CLASP2: variants seen among roughly 807,000 people sequenced by gnomAD.
CLASP2 encodes the protein cytoplasmic linker associated protein 2.
A neutral mutation model predicts 194.4 loss-of-function variants in CLASP2; 47 were observed. That is an observed-to-expected ratio of 0.24 (90% CI 0.19 to 0.31). The LOEUF (loss-of-function observed/expected upper bound fraction) is 0.31, where lower values mean the gene tolerates loss of function less well. Among genes scored for constraint, CLASP2 ranks in the 10% least tolerant of loss-of-function variants. The pLI, the probability that CLASP2 is intolerant of heterozygous loss-of-function variation, is 1.00. For missense variants in CLASP2, 1,445 were observed against 1,823.6 expected (o/e 0.79, Z 3.78); for synonymous variants, 619 against 633.5 (o/e 0.98, Z 0.34).
chr3:33,547,746 G>A (rs1026406599), intron 30 of CLASP2, among the ~76,000 whole-genome samples: 1 of 151,740 alleles, frequency 6.6e-6, no homozygotes, highest in Non-Finnish European at 1.5e-5. Flanking sequence ...CACCAGTGAC[G>A]CCATCTGAGC....
intron 27 of CLASP2, among the ~76,000 whole-genome samples, chr3:33,562,400 C>T (rs534094108): frequency 1.3e-5 from 2 of 152,256 alleles, no homozygotes; most frequent in South Asian, 2.1e-4. Flanking sequence ...TAGACATAGT[C>T]TATGACAAAT....
intron 9 of CLASP2, among the ~76,000 whole-genome samples, chr3:33,628,494 T>C (rs1481670173): frequency 6.6e-6 from 1 of 152,168 alleles, no homozygotes; most frequent in Non-Finnish European, 1.5e-5. Context: ...CAAAAGAAGC[T>C]TGAAAACCCA....
intron 1 of CLASP2, among the ~76,000 whole-genome samples, chr3:33,710,032 T>G (rs1344299949): frequency 6.6e-6 from 1 of 152,234 alleles, no homozygotes; most frequent in Non-Finnish European, 1.5e-5. Flanking sequence ...CTGTGATTTG[T>G]GACACAGTGA....
At chr3:33,697,470 A>C (rs973012185) in intron 1 of CLASP2, among the ~76,000 whole-genome samples, 2 of 152,262 alleles carry the variant, frequency 1.3e-5, no homozygotes, top group Non-Finnish European at 2.9e-5. Flanking sequence ...TGCAAGCACA[A>C]CATTGCAACA....
chr3:33,559,094 A>C lies in CLASP2; in HGVS notation c.3009+213T>G, dbSNP rs114962054. On this transcript the variant is annotated intron_variant, in intron 29 of 38. Coordinates refer to ENST00000682230, the MANE Select transcript of CLASP2 (RefSeq NM_001365631.1). ...ACACTGCAGAGAGTTAAGAAAAGAA[A>C]TAATGCAGATGAAAACAAAAACAAT... is the stretch of plus-strand genomic sequence containing the variant. 2,036 of 653,942 alleles carry C rather than the reference A, an allele frequency of 3.1e-3. 33 individuals carry two copies. The highest frequency in any genetic ancestry group is 0.029 in the African/African-American group (1,604 of 55,570). The allele number at this position is 653,942 out of a possible 1,614,324, so 40.5% of individuals were successfully genotyped here.
At chr3:33,605,179 C>T (rs533255537) in intron 16 of CLASP2, among the ~76,000 whole-genome samples, 4 of 151,974 alleles carry the variant, frequency 2.6e-5, no homozygotes, top group Non-Finnish European at 5.9e-5. Context: ...TAGGAGCTTG[C>T]AAAAAATGAA....
At chr3:33,572,488 A>G (rs1251967470) in intron 25 of CLASP2, among the ~76,000 whole-genome samples, 1 of 152,178 alleles carries the variant, frequency 6.6e-6, no homozygotes, top group Non-Finnish European at 1.5e-5. Context: ...GCTTAAACCT[A>G]TGAAATATCT....
intron 1 of CLASP2, among the ~76,000 whole-genome samples, chr3:33,716,637 G>A (rs2093314839): frequency 6.6e-6 from 1 of 152,172 alleles, no homozygotes; most frequent in African/African-American, 2.4e-5. Flanking sequence ...TTCTTCCAAA[G>A]AAATAATCTC....
chr3:33,519,888 A>C (rs562061875), intron 34 of CLASP2, among the ~76,000 whole-genome samples: 1 of 152,312 alleles, frequency 6.6e-6, no homozygotes, highest in African/African-American at 2.4e-5. Context: ...GTTTCCAAAA[A>C]CGTCTTCCTT....
chr3:33,662,697 TA>T (rs1469360620), intron 7 of CLASP2, among the ~76,000 whole-genome samples: 1 of 152,194 alleles, frequency 6.6e-6, no homozygotes, highest in African/African-American at 2.4e-5. Context: ...TTTATATTAC[TA>T]AACTAACCAC....
intron 12 of CLASP2, among the ~76,000 whole-genome samples, chr3:33,614,185 A>G (rs1035139078): frequency 4.6e-5 from 7 of 152,182 alleles, no homozygotes; most frequent in Non-Finnish European, 8.8e-5. Context: ...AGGCTAGTAT[A>G]ATAACGTGAA....
At chr3:33,555,442 T>C (rs1560006695) in intron 29 of CLASP2, among the ~76,000 whole-genome samples, 1 of 151,722 alleles carries the variant, frequency 6.6e-6, no homozygotes, top group Non-Finnish European at 1.5e-5. Context: ...CTCGGCTCAC[T>C]GGTAGCCTTG....
chr3:33,620,272 T>C (rs2076895636), intron 11 of CLASP2, among the ~76,000 whole-genome samples: 1 of 152,180 alleles, frequency 6.6e-6, no homozygotes, highest in Non-Finnish European at 1.5e-5. Flanking sequence ...CAGTCAAAAA[T>C]ACAACTCTAC....
chr3:33,517,235 GA>G lies in CLASP2; in HGVS notation c.3788-62del. ...ATAGGGTGACTCTCACAAGTATGGG[GA>G]TAACAACTTTATATGATGAAACACA... is the stretch of plus-strand genomic sequence containing the variant. On this transcript the variant is annotated intron_variant, in intron 34 of 38. Transcript: ENST00000682230. 1.1e-5 allele frequency: 14 copies of G among 1,288,216 alleles called. 1 individual carries two copies. The highest frequency in any genetic ancestry group is 1.4e-5 in the Non-Finnish European group (13 of 947,722). 79.8% of individuals were successfully genotyped at this position (1,288,216 alleles called of 1,614,324 possible). A position where few individuals can be genotyped will look rare whatever the true frequency, so the allele number is the denominator to read the frequency against.
In CLASP2 at chr3:33,496,696, G is replaced by A. The variant is rs956998596; in HGVS notation, c.*1935C>T. The A allele has an allele frequency of 1.3e-4, 20 of 152,028 alleles. No homozygotes were observed. The highest frequency in any genetic ancestry group is 4.8e-4 in the African/African-American group (20 of 41,404). 9.4% of individuals were successfully genotyped at this position (152,028 alleles called of 1,614,324 possible). ...AGTTAAAGCAGTATCTTAAACCAGA[G>A]GTCAAAATTAAATCAATATTTTGAT... On this transcript the variant is annotated 3_prime_UTR_variant, in exon 39 of 39. Coordinates refer to ENST00000682230, the MANE Select transcript of CLASP2 (RefSeq NM_001365631.1).
chr3:33,522,228 A>G (rs1359374713), intron 34 of CLASP2, among the ~76,000 whole-genome samples: 2 of 152,160 alleles, frequency 1.3e-5, no homozygotes, highest in East Asian at 3.8e-4. Context: ...TTTGGGAGCC[A>G]GACATTAAAG....
At chr3:33,619,841 G>C (rs1164591761) in intron 11 of CLASP2, 103 bp from the exon 12 acceptor site, 12 of 1,008,526 alleles carry the variant, frequency 1.2e-5, no homozygotes, top group Non-Finnish European at 1.6e-5. Flanking sequence ...TTAGGAATTT[G>C]TATTTTAATC....
In CLASP2 at chr3:33,498,445, T is replaced by A. The variant is rs1449987790; in HGVS notation, c.*186A>T. 4.4e-6 allele frequency: 2 copies of A among 458,784 alleles called. No homozygotes were observed. The highest frequency in any genetic ancestry group is 7.8e-6 in the Non-Finnish European group (2 of 257,412). 28.4% of individuals were successfully genotyped at this position (458,784 alleles called of 1,614,324 possible). A position where few individuals can be genotyped will look rare whatever the true frequency, so the allele number is the denominator to read the frequency against. On this transcript the variant is annotated 3_prime_UTR_variant, in exon 39 of 39. Coordinates refer to ENST00000682230, the MANE Select transcript of CLASP2 (RefSeq NM_001365631.1). ...CTTCTTGAATTTGGAATAACTATCA[T>A]AAAAGTTACATGCAGACTGAGGATA... is the stretch of plus-strand genomic sequence containing the variant.
intron 11 of CLASP2, among the ~76,000 whole-genome samples, chr3:33,621,649 T>C (rs1380134988): frequency 6.6e-6 from 1 of 152,172 alleles, no homozygotes; most frequent in African/African-American, 2.4e-5. Flanking sequence ...GGAATGCATA[T>C]GCAACAACAC....
Sources: allele counts gnomAD v4.1 joint callset (sites outside exome capture counted in the v4.1 genomes callset), GRCh38; gene constraint gnomAD v4.1.1; transcripts MANE v1.5; gene names NCBI Gene and HGNC (gene_info 2026-07-23, HGNC 2026-07-21).